Variants in FBXO34 observed in about 807,000 individuals in gnomAD.
FBXO34 encodes F-box protein 34.
FBXO34 carries 12 observed loss-of-function variants against 24.5 expected under a neutral mutation model. The ratio of observed to expected loss-of-function variants is 0.49; its 90% CI spans 0.31 to 0.79. The LOEUF (loss-of-function observed/expected upper bound fraction) is 0.79. Among genes scored for constraint, FBXO34 ranks in the 30% least tolerant of loss-of-function variants. FBXO34 has a pLI of 0.04. For missense variants in FBXO34, 823 were observed against 857.7 expected (o/e 0.96, Z 0.51); for synonymous variants, 320 against 311.9 (o/e 1.03, Z -0.27).
At chr14:55,323,184 CAAAAAAAAAAAAAAAAAAAAA>C (rs368380622) in intron 1 of FBXO34, among the ~76,000 whole-genome samples, 3 of 12,166 alleles carry the variant, frequency 2.5e-4, no homozygotes, top group African/African-American at 1.0e-3. Flanking sequence ...GACTCTGTCT[CAAAAAAAAAAAAAAAAAAAAA>C]AAAAAAAAAA....
chr14:55,406,174 T>G, the FBXO34 span, among the ~76,000 whole-genome samples: 2 of 152,250 alleles, frequency 1.3e-5, no homozygotes, highest in Non-Finnish European at 2.9e-5. Flanking sequence ...TTAATTTTCC[T>G]TGAGCTGCTA....
the FBXO34 span, chr14:55,381,887 C>G: frequency 7.8e-7 from 1 of 1,282,788 alleles, no homozygotes. Flanking sequence ...CACTTGAAAG[C>G]TCTTCATTTT....
At chr14:55,322,638 T>C (rs1057200762) in intron 1 of FBXO34, among the ~76,000 whole-genome samples, 1 of 152,090 alleles carries the variant, frequency 6.6e-6, no homozygotes, top group Non-Finnish European at 1.5e-5. Flanking sequence ...GCCTGGCCAG[T>C]GTCATGGAAA....
At chr14:55,377,740 G>A in the FBXO34 span, 12 of 1,052,644 alleles carry the variant, frequency 1.1e-5, no homozygotes, top group Admixed American at 2.5e-4. Context: ...TAGGGAACAC[G>A]ACTCTACTAT....
At chr14:55,365,565 A>G (rs1884661174), downstream of FBXO34, among the ~76,000 whole-genome samples, 1 of 152,124 alleles carries the variant, frequency 6.6e-6, no homozygotes, top group African/African-American at 2.4e-5. Flanking sequence ...ACCAATGACA[A>G]AGTTATCCTT....
the FBXO34 span, among the ~76,000 whole-genome samples, chr14:55,394,005 ATT>A: frequency 1.2e-4 from 17 of 138,870 alleles, no homozygotes; most frequent in East Asian, 2.1e-4. Context: ...CAGTATCATA[ATT>A]TTTTTTTTTT....
At chr14:55,306,390 T>C (rs1248719759) in intron 1 of FBXO34, among the ~76,000 whole-genome samples, 5 of 152,376 alleles carry the variant, frequency 3.3e-5, no homozygotes, top group African/African-American at 1.2e-4. Flanking sequence ...AGAGTTGCAA[T>C]GCTTATATGT....
At chr14:55,346,823 C>T (rs900860158) in intron 1 of FBXO34, among the ~76,000 whole-genome samples, 1 of 152,114 alleles carries the variant, frequency 6.6e-6, no homozygotes, top group African/African-American at 2.4e-5. Context: ...ATCAAGAAAA[C>T]GGGTGTGTTT....
chr14:55,369,840 C>T (rs749894111), downstream of FBXO34: 21 of 1,614,150 alleles, frequency 1.3e-5, no homozygotes, highest in South Asian at 1.2e-4. Context: ...CGCTCATCTC[C>T]GCTCTCATCT....
intron 1 of FBXO34, among the ~76,000 whole-genome samples, chr14:55,280,980 C>T (rs1199955082): frequency 6.6e-6 from 1 of 152,022 alleles, no homozygotes; most frequent in Non-Finnish European, 1.5e-5. Context: ...GAAAAAGAAA[C>T]AGGTGAAAAA....
the FBXO34 span, among the ~76,000 whole-genome samples, chr14:55,376,055 A>G: frequency 6.6e-6 from 1 of 152,138 alleles, no homozygotes; most frequent in African/African-American, 2.4e-5. Context: ...TTAATCTGTT[A>G]ATGTGATGAA....
chr14:55,317,781 C>G (rs1414340730), intron 1 of FBXO34, among the ~76,000 whole-genome samples: 1 of 152,172 alleles, frequency 6.6e-6, no homozygotes, highest in Non-Finnish European at 1.5e-5. Context: ...ACCAACCCAC[C>G]ATGGAGTGGG....
intron 1 of FBXO34, among the ~76,000 whole-genome samples, chr14:55,317,433 A>T (rs1882970444): frequency 6.6e-6 from 1 of 152,090 alleles, no homozygotes; most frequent in South Asian, 2.1e-4. Context: ...GTGACCCGAG[A>T]TTGTGCCACT....
At chr14:55,345,511 T>G (rs923508403) in intron 1 of FBXO34, among the ~76,000 whole-genome samples, 3 of 152,198 alleles carry the variant, frequency 2.0e-5, no homozygotes, top group Non-Finnish European at 4.4e-5. Flanking sequence ...GGTGCTGATG[T>G]CCCCTTCTCC....
chr14:55,415,031 A>T, the FBXO34 span, among the ~76,000 whole-genome samples: 5 of 152,228 alleles, frequency 3.3e-5, no homozygotes, highest in African/African-American at 1.2e-4. Flanking sequence ...TAGGAATTAC[A>T]GGGATAAAAA....
chr14:55,411,904 A>T, the FBXO34 span: 1 of 1,310,338 alleles, frequency 7.6e-7, no homozygotes, highest in Non-Finnish European at 1.0e-6. Flanking sequence ...GGCCTGGGGA[A>T]GGGGGGCTGG....
intron 1 of FBXO34, among the ~76,000 whole-genome samples, chr14:55,307,982 T>G (rs1456881528): frequency 6.6e-6 from 1 of 152,228 alleles, no homozygotes; most frequent in Non-Finnish European, 1.5e-5. Context: ...AATTGAATCA[T>G]GAGGGCAGGT....
At chr14:55,290,530 A>G (rs983329949) in intron 1 of FBXO34, among the ~76,000 whole-genome samples, 12 of 152,242 alleles carry the variant, frequency 7.9e-5, no homozygotes, top group Non-Finnish European at 7.4e-5. Context: ...GCCTTTTTCT[A>G]TACTAATACT....
At chr14:55,300,273 C>T (rs1239768102) in intron 1 of FBXO34, among the ~76,000 whole-genome samples, 1 of 152,144 alleles carries the variant, frequency 6.6e-6, no homozygotes, top group Non-Finnish European at 1.5e-5. Context: ...TTTACTACCT[C>T]TCTTTGGTAA....
Sources: allele counts gnomAD v4.1 joint callset (sites outside exome capture counted in the v4.1 genomes callset), GRCh38; gene constraint gnomAD v4.1.1; transcripts MANE v1.5; gene names NCBI Gene and HGNC (gene_info 2026-07-23, HGNC 2026-07-21).